OR1L8: variants seen among roughly 807,000 people sequenced by gnomAD.
OR1L8 encodes the protein olfactory receptor family 1 subfamily L member 8, also known as olfactory receptor 1L8.
For missense variants in OR1L8, 330 were observed against 377.4 expected (o/e 0.87, Z 1.04); for synonymous variants, 148 against 147.0 (o/e 1.01, Z -0.05).
In OR1L8 at chr9:122,582,442, G is replaced by A. The variant is rs532980437; in HGVS notation, c.-600+879C>T. Among the ~76,000 whole-genome samples the A allele has an allele frequency of 3.9e-5, 6 of 152,116 alleles. No homozygotes were observed. The South Asian group carries it at 6.2e-4, about 16-fold the overall frequency. ...TTAAAAAATACAAACAAGGCTCGGC[G>A]CAGTGGCTCACGCTTATAATCCCAG... On this transcript the variant is annotated intron_variant, in intron 1 of 4. Transcript: ENST00000641027.
the OR1L8 span, among the ~76,000 whole-genome samples, chr9:122,557,757 A>G: frequency 6.6e-6 from 1 of 152,022 alleles, no homozygotes; most frequent in African/African-American, 2.4e-5. Context: ...CTCTATTTCC[A>G]TCTTCTAGAA....
rs751392772 is a variant in OR1L8 at position 122,567,500 on chromosome 9, G to A, written c.*48C>T. The A allele has an allele frequency of 1.5e-5, 21 of 1,371,150 alleles. No individual in the cohort carries two copies. The highest frequency in any genetic ancestry group is 4.4e-5 in the Admixed American group (2 of 45,400). The allele number at this position is 1,371,150 out of a possible 1,614,324, so 84.9% of individuals were successfully genotyped here. A position where few individuals can be genotyped will look rare whatever the true frequency, so the allele number is the denominator to read the frequency against. Reference sequence around the variant, plus strand: ...TTCACCAGAAACCAGTAGAAAACACGTCCAAGTTGAGCAGATTCCACTTAC... The same window carrying A: ...TTCACCAGAAACCAGTAGAAAACACATCCAAGTTGAGCAGATTCCACTTAC... On this transcript the variant is annotated 3_prime_UTR_variant, in exon 5 of 5. Coordinates refer to ENST00000641027, the MANE Select transcript of OR1L8 (RefSeq NM_001004454.2).
chr9:122,553,220 A>C, the OR1L8 span: 43 of 1,613,616 alleles, frequency 2.7e-5, no homozygotes, highest in Non-Finnish European at 3.3e-5. Flanking sequence ...GGATGGGAAA[A>C]CCAGGCAGAG....
downstream of OR1L8, among the ~76,000 whole-genome samples, chr9:122,565,638 C>T (rs1461546595): frequency 6.6e-6 from 1 of 152,228 alleles, no homozygotes; most frequent in Non-Finnish European, 1.5e-5. Context: ...TAGTCTGCTT[C>T]TGTCATAGAA....
chr9:122,572,806 T>C lies in OR1L8; in HGVS notation c.-239A>G, dbSNP rs1203241319. 6.6e-6 allele frequency: 1 copy of C among 152,242 alleles called. No homozygotes were observed. The highest frequency in any genetic ancestry group is 2.4e-5 in the African/African-American group (1 of 41,464). The allele number at this position is 152,242 out of a possible 1,614,324, so 9.4% of individuals were successfully genotyped here. A position where few individuals can be genotyped will look rare whatever the true frequency, so the allele number is the denominator to read the frequency against. On this transcript the variant is annotated 5_prime_UTR_variant, in exon 4 of 5. Transcript: ENST00000641027. ...TCTGTATCCAGCGTTTTTCCTTTGC[T>C]TCCATGTGTCTCAAGAAGTGGATCT... is the stretch of plus-strand genomic sequence containing the variant.
At chr9:122,571,856 C>G (rs1046611689) in intron 4 of OR1L8, among the ~76,000 whole-genome samples, 1 of 151,988 alleles carries the variant, frequency 6.6e-6, no homozygotes, top group Non-Finnish European at 1.5e-5. Flanking sequence ...TAGGCTGATT[C>G]CTGATGTTTT....
chr9:122,567,854 C>G lies in OR1L8; in HGVS notation c.624G>C (p.Leu208Phe). 1 of 1,613,850 alleles carries G rather than the reference C, an allele frequency of 6.2e-7. No individual in the cohort carries two copies. The highest frequency in any genetic ancestry group is 8.5e-7 in the Non-Finnish European group (1 of 1,179,920). The part of the protein sequence containing the change: ...IVQMTEAPIV[L>F]VTRFLCIAFS... ...AAGCAATGCAGAGAAAACGAGTCACCAAAACAATAGGTGCTTCTGTCATCT... is the reference window on the plus strand; with the variant it reads ...AAGCAATGCAGAGAAAACGAGTCACGAAAACAATAGGTGCTTCTGTCATCT... The change falls in exon 5 of 5, where the codon TTG becomes TTC. Residue 208 changes from leucine to phenylalanine, a missense_variant. Physicochemically the swap from Leu to Phe is conservative, Grantham distance 22. Coordinates refer to ENST00000641027, the MANE Select transcript of OR1L8 (RefSeq NM_001004454.2).
chr9:122,571,134 G>A (rs1337178433), intron 4 of OR1L8, among the ~76,000 whole-genome samples: 2 of 152,118 alleles, frequency 1.3e-5, no homozygotes, highest in Non-Finnish European at 1.5e-5. Flanking sequence ...AAACTTTCTT[G>A]TCCCATGTTC....
intron 4 of OR1L8, among the ~76,000 whole-genome samples, chr9:122,572,578 G>GT (rs1829572794): frequency 7.6e-6 from 1 of 131,480 alleles, no homozygotes; most frequent in African/African-American, 3.0e-5. Context: ...TTTTGGGTTT[G>GT]GTTTTTTTTT....
At chr9:122,574,584 T>G (rs954757928) in intron 3 of OR1L8, among the ~76,000 whole-genome samples, 1 of 151,954 alleles carries the variant, frequency 6.6e-6, no homozygotes, top group Non-Finnish European at 1.5e-5. Flanking sequence ...TCCAGGAATT[T>G]TTTTGTCAAT....
the OR1L8 span, among the ~76,000 whole-genome samples, chr9:122,549,622 T>C: frequency 6.6e-6 from 1 of 152,150 alleles, no homozygotes; most frequent in Admixed American, 6.6e-5. Flanking sequence ...ATAGGGTGTC[T>C]TTTCCCCAGT....
chr9:122,575,089 A>G (rs552818648), intron 3 of OR1L8, among the ~76,000 whole-genome samples: 5 of 152,122 alleles, frequency 3.3e-5, no homozygotes, highest in African/African-American at 4.8e-5. Flanking sequence ...ACATTGTTGG[A>G]TTCAATTTGC....
chr9:122,559,555 T>C, the OR1L8 span, among the ~76,000 whole-genome samples: 1 of 152,230 alleles, frequency 6.6e-6, no homozygotes, highest in African/African-American at 2.4e-5. Flanking sequence ...AAAGAACTTC[T>C]TGATTTCTGC....
Position 122,567,962 on chromosome 9 carries a change from G to T in OR1L8, c.516C>A (p.Ser172=). ...CACAGAGAAAGTGGTGGATAACATT[G>T]GAGTCACAGAAGGTGAGACGATTCA... ...LLLNRLTFCD[S]NVIHHFLCDL... The change falls in exon 5 of 5, where the codon TCC becomes TCA. Residue 172 remains serine, a synonymous_variant. Coordinates refer to ENST00000641027, the MANE Select transcript of OR1L8 (RefSeq NM_001004454.2). The T allele has an allele frequency of 6.2e-7, 1 of 1,614,174 alleles. No individual in the cohort carries two copies. The highest frequency in any genetic ancestry group is 8.5e-7 in the Non-Finnish European group (1 of 1,180,026).
chr9:122,549,682 C>T, the OR1L8 span, among the ~76,000 whole-genome samples: 1 of 152,066 alleles, frequency 6.6e-6, no homozygotes, highest in Non-Finnish European at 1.5e-5. Flanking sequence ...AAGTATGTGG[C>T]TTTATTTCCA....
intron 1 of OR1L8, among the ~76,000 whole-genome samples, chr9:122,582,945 T>TA (rs1182306772): frequency 2.0e-5 from 3 of 151,530 alleles, no homozygotes; most frequent in Admixed American, 6.6e-5. Context: ...GAGAATTAAA[T>TA]AAAAAATAGA....
chr9:122,552,586 C>T, the OR1L8 span, among the ~76,000 whole-genome samples: 1 of 151,962 alleles, frequency 6.6e-6, no homozygotes, highest in Non-Finnish European at 1.5e-5. Context: ...GAGTACGACA[C>T]CAGACACCTA....
chr9:122,552,538 C>G, the OR1L8 span, among the ~76,000 whole-genome samples: 2 of 151,718 alleles, frequency 1.3e-5, no homozygotes, highest in Non-Finnish European at 2.9e-5. Context: ...TATTTGTATG[C>G]GTGTGTGTGG....
chr9:122,568,817 A>C (rs892841873), intron 4 of OR1L8, 128 bp from the exon 5 acceptor site: 14 of 195,332 alleles, frequency 7.2e-5, no homozygotes, highest in Non-Finnish European at 1.3e-4. Context: ...TAGAGCAGAC[A>C]GATTTCTGCT....
Sources: gnomAD v4.1 joint callset for allele counts (sites outside exome capture counted in the v4.1 genomes callset) on GRCh38, gnomAD v4.1.1 for gene constraint, MANE v1.5 for transcripts, NCBI Gene and HGNC (gene_info 2026-07-23, HGNC 2026-07-21) for gene names.